Variants in SLC34A1 observed in about 807,000 individuals in gnomAD.
SLC34A1 encodes the protein solute carrier family 34 member 1.
A neutral mutation model predicts 51.4 loss-of-function variants in SLC34A1; 57 were observed. The observed-to-expected ratio is 1.11, with a 90% confidence interval of 0.90 to 1.38. SLC34A1 has a LOEUF of 1.38. Among genes scored for constraint, SLC34A1 ranks in the 40% most tolerant of loss-of-function variants. The pLI is 0.00. For synonymous variants in SLC34A1, 368 were observed against 358.0 expected (o/e 1.03, Z -0.32); for missense variants, 796 against 835.6 (o/e 0.95, Z 0.58).
chr5:177,394,688 CTT>C (rs34736156), intron 10 of SLC34A1, among the ~76,000 whole-genome samples: 1,390 of 105,060 alleles, frequency 0.013, 8 homozygotes, highest in Middle Eastern at 0.038. Context: ...GAGACTTTGT[CTT>C]TTTTTTTTTT....
Position 177,396,608 on chromosome 5 carries a change from C to T in SLC34A1, c.1175-125C>T, listed in dbSNP as rs1310073437. On this transcript the variant is annotated intron_variant, in intron 10 of 12. Transcript: ENST00000324417. The surrounding 1 kb of genome is among the most constrained non-coding windows in gnomAD (Gnocchi z 4.0). ...CCCGCGGAGGTCCTCTCTCCCAGTG[C>T]CCCCGCGGAGATCCGCTCTCCCAGT... 4.0e-5 allele frequency: 27 copies of T among 671,202 alleles called. No homozygotes were observed. Among genetic ancestry groups the T allele is most frequent in the South Asian group, 3.3e-4 (21 of 63,094 alleles). The allele number at this position is 671,202 out of a possible 1,614,324, so 41.6% of individuals were successfully genotyped here. A position where few individuals can be genotyped will look rare whatever the true frequency, so the allele number is the denominator to read the frequency against.
At chr5:177,395,832 C>T (rs1006222648) in intron 10 of SLC34A1, among the ~76,000 whole-genome samples, 2 of 152,168 alleles carry the variant, frequency 1.3e-5, no homozygotes, top group Non-Finnish European at 2.9e-5. Flanking sequence ...CAGGGTTTTG[C>T]CATGTTGGCT....
chr5:177,386,641 C>T lies in SLC34A1; in HGVS notation c.532+75C>T, dbSNP rs537898378. On this transcript the variant is annotated intron_variant, in intron 5 of 12. Coordinates refer to ENST00000324417, the MANE Select transcript of SLC34A1 (RefSeq NM_003052.5). This position sits in a 1 kb window ranked among gnomAD's most constrained non-coding sequence, Gnocchi z 4.8. ...GCTGGGAAGGGTGGCAAATGGGGAG[C>T]GTGACCCCAGTAAGGCTGGCCTCCA... 5.9e-5 allele frequency: 92 copies of T among 1,553,206 alleles called. No individual in the cohort carries two copies. Among genetic ancestry groups the T allele is most frequent in the Middle Eastern group, 3.7e-4 (2 of 5,432 alleles).
rs568449518 is a variant in SLC34A1, at chr5:177,387,273, C to T, written c.533-489C>T. On this transcript the variant is annotated intron_variant, in intron 5 of 12. Transcript: ENST00000324417. The stretch of plus-strand genomic sequence containing the variant: ...AGCCAGGCGTGGTGGCAGGTGTCTG[C>T]AGTCCCAGCTACTCAGGAGGCTGAG... Among the ~76,000 whole-genome samples the T allele has an allele frequency of 6.9e-4, 105 of 151,944 alleles. 1 individual carries two copies. The highest frequency in any genetic ancestry group is 2.4e-3 in the African/African-American group (99 of 41,448).
intron 2 of SLC34A1, 30 bp downstream of exon 2, chr5:177,385,880 G>A: frequency 6.2e-7 from 1 of 1,609,070 alleles, no homozygotes; most frequent in Non-Finnish European, 8.5e-7. Flanking sequence ...CCTGGACCCT[G>A]GTTGCCCACG....
At chr5:177,385,200 T>C (rs1762518398) in intron 1 of SLC34A1, among the ~76,000 whole-genome samples, 1 of 152,108 alleles carries the variant, frequency 6.6e-6, no homozygotes, top group South Asian at 2.1e-4. Flanking sequence ...GCTCTCCAGG[T>C]GGGCAAAACT....
rs752639143 is a variant in SLC34A1, at chr5:177,394,058, C to A, written c.1037C>A (p.Pro346Gln). 5.6e-6 allele frequency: 9 copies of A among 1,614,056 alleles called. No individual in the cohort carries two copies. In the East Asian group the frequency reaches 2.0e-4, roughly 36 times the overall value. The change falls in exon 10 of 13, where the codon CCG (proline) becomes CAG (glutamine). Residue 346 changes from proline to glutamine, a missense_variant. Coordinates refer to ENST00000324417, the MANE Select transcript of SLC34A1 (RefSeq NM_003052.5). Reference sequence around the variant, plus strand: ...CACATCTTTGTGGACACTGGCCTACCGGACCTGGCTGTGGGGCTCATCCTG... The same window carrying A: ...CACATCTTTGTGGACACTGGCCTACAGGACCTGGCTGTGGGGCTCATCCTG... ...CNHIFVDTGL[P>Q]DLAVGLILLA...
intron 5 of SLC34A1, among the ~76,000 whole-genome samples, 169 bp from the exon 6 acceptor site, chr5:177,387,593 G>A (rs930684227): frequency 6.6e-6 from 1 of 152,204 alleles, no homozygotes; most frequent in Non-Finnish European, 1.5e-5. Context: ...ACCTGTAAAC[G>A]CACAGCCCGT....
At chr5:177,390,070 G>C (rs551030714) in intron 8 of SLC34A1, 1 of 1,149,184 alleles carries the variant, frequency 8.7e-7, no homozygotes, top group African/African-American at 1.6e-5. Flanking sequence ...TGTGAAGTGC[G>C]TCCTGGCTCT....
At chr5:177,387,722 G>A (rs765680697) in intron 5 of SLC34A1, 40 bp from the exon 6 acceptor site, 1 of 1,543,092 alleles carries the variant, frequency 6.5e-7, no homozygotes, top group Non-Finnish European at 9.0e-7. Context: ...CAGGAGCTGG[G>A]TGACCGTCAA....
At position 177,398,308 on chromosome 5, in the gene SLC34A1, C is replaced by T; in HGVS notation, c.*22C>T. On this transcript the variant is annotated 3_prime_UTR_variant, in exon 13 of 13. Coordinates refer to ENST00000324417, the MANE Select transcript of SLC34A1 (RefSeq NM_003052.5). The surrounding 1 kb of genome is among the most constrained non-coding windows in gnomAD (Gnocchi z 4.7). The stretch of plus-strand genomic sequence containing the variant: ...CTAGGCTGTGGGCCCAGACTACAGC[C>T]TGGAATGGGGAAGGCCTGGGGTGGA... 1 of 1,599,106 alleles carries T rather than the reference C, an allele frequency of 6.3e-7. No individual in the cohort carries two copies. The highest frequency in any genetic ancestry group is 8.5e-7 in the Non-Finnish European group (1 of 1,179,902).
chr5:177,398,443 C>A lies in SLC34A1; in HGVS notation c.*157C>A. 1 of 866,448 alleles carries A rather than the reference C, an allele frequency of 1.2e-6. No homozygotes were observed. The highest frequency in any genetic ancestry group is 1.9e-6 in the Non-Finnish European group (1 of 521,464). The allele number at this position is 866,448 out of a possible 1,614,324, so 53.7% of individuals were successfully genotyped here. ...AAGCTCTGGGCTTGTGTGAGAGTGT[C>A]GGTGTGTGTGCATGTGTGGGGGTGA... is the stretch of plus-strand genomic sequence containing the variant. On this transcript the variant is annotated 3_prime_UTR_variant, in exon 13 of 13. Coordinates refer to ENST00000324417, the MANE Select transcript of SLC34A1 (RefSeq NM_003052.5). The surrounding 1 kb of genome is among the most constrained non-coding windows in gnomAD (Gnocchi z 4.7).
In SLC34A1 at chr5:177,388,349, T is replaced by C. The variant is rs756376335; in HGVS notation, c.913T>C (p.Trp305Arg). The C allele has an allele frequency of 1.2e-6, 2 of 1,614,060 alleles. No individual in the cohort carries two copies. Among genetic ancestry groups the C allele is most frequent in the African/African-American group, 2.7e-5 (2 of 74,938 alleles). ...SLRNHSLIQI[W>R]CHPDSLQAPT... is the part of the protein sequence containing the mutation. ...GAGGAACCACAGTCTCATCCAGATC[T>C]GGTGCCACCCAGACTCCTTACAGGT... is the stretch of plus-strand genomic sequence containing the variant. The change falls in exon 8 of 13, where the codon TGG becomes CGG. Residue 305 changes from tryptophan to arginine, a missense_variant. Transcript: ENST00000324417. The surrounding 1 kb of genome is among the most constrained non-coding windows in gnomAD (Gnocchi z 4.3).
At position 177,397,994 on chromosome 5, in the gene SLC34A1, G is replaced by T; in HGVS notation, c.1628G>T (p.Gly543Val). Reference protein sequence around the residue: ...ISMAGWQVMVGVGTPFGALLA... With the variant: ...ISMAGWQVMVVVGTPFGALLA... Reference sequence around the variant, plus strand: ...ATGGCAGGCTGGCAGGTCATGGTAGGTGTGGGCACGCCCTTCGGGGCCCTG... The same window carrying T: ...ATGGCAGGCTGGCAGGTCATGGTAGTTGTGGGCACGCCCTTCGGGGCCCTG... The change falls in exon 13 of 13, where the codon GGT (glycine) becomes GTT (valine). Residue 543 changes from glycine to valine, a missense_variant. Gly to Val is a moderately radical substitution (Grantham distance 109). Transcript: ENST00000324417. 3 of 1,614,036 alleles carry T rather than the reference G, an allele frequency of 1.9e-6. No homozygotes were observed. The highest frequency in any genetic ancestry group is 2.5e-6 in the Non-Finnish European group (3 of 1,180,020).
chr5:177,394,124 T>C lies in SLC34A1; in HGVS notation c.1103T>C (p.Leu368Pro), dbSNP rs1465757710. 11 of 1,613,966 alleles carry C rather than the reference T, an allele frequency of 6.8e-6. No homozygotes were observed. The highest frequency in any genetic ancestry group is 9.3e-6 in the Non-Finnish European group (11 of 1,180,038). The change falls in exon 10 of 13, where the codon CTC (leucine) becomes CCC (proline). Residue 368 changes from leucine to proline, a missense_variant. Physicochemically the swap from Leu to Pro is moderately conservative, Grantham distance 98. Transcript: ENST00000324417. ...SLVLLCTCLI[L>P]LVKMLNSLLK... is the part of the protein sequence containing the mutation. Reference sequence around the variant, plus strand: ...GTGCTGCTGTGCACCTGCCTCATCCTCCTAGTCAAGATGCTCAACTCCCTG... The same window carrying C: ...GTGCTGCTGTGCACCTGCCTCATCCCCCTAGTCAAGATGCTCAACTCCCTG...
intron 12 of SLC34A1, chr5:177,397,479 T>C (rs1016593228): frequency 3.7e-6 from 2 of 533,422 alleles, no homozygotes; most frequent in Non-Finnish European, 6.8e-6. Context: ...GAAACTGACA[T>C]CAATCCTTTA....
Position 177,394,876 on chromosome 5 carries a change from G to A in SLC34A1, c.1174+681G>A, listed in dbSNP as rs534986285. 1.3e-3 allele frequency among the ~76,000 whole-genome samples: 190 copies of A among 151,978 alleles called. No individual in the cohort carries two copies. In the Middle Eastern group the frequency reaches 0.027, roughly 22 times the overall value. ...ACCCGGCTAATTTTTTGTATTTTTA[G>A]TCGAGACAGGGTTTCACCATGTTGG... On this transcript the variant is annotated intron_variant, in intron 10 of 12. Coordinates refer to ENST00000324417, the MANE Select transcript of SLC34A1 (RefSeq NM_003052.5).
intron 8 of SLC34A1, among the ~76,000 whole-genome samples, chr5:177,393,094 C>T (rs969448600): frequency 1.3e-5 from 2 of 152,230 alleles, no homozygotes; most frequent in African/African-American, 4.8e-5. Flanking sequence ...ACAGCCCGAG[C>T]TGCTCACTTA....
At position 177,386,145 on chromosome 5, in the gene SLC34A1, G is replaced by C. The variant is rs776149189; in HGVS notation, c.259+9G>C. The C allele has an allele frequency of 1.2e-6, 2 of 1,613,824 alleles. No homozygotes were observed. The highest frequency in any genetic ancestry group is 1.1e-5 in the South Asian group (1 of 91,066). ...GGAGGAGCAGAAGCCAGGTGGGCCT[G>C]GGCTGGGGGTGGCAGAGGCGGCAGC... is the stretch of plus-strand genomic sequence containing the variant. On this transcript the variant is annotated intron_variant, in intron 3 of 12. Coordinates refer to ENST00000324417, the MANE Select transcript of SLC34A1 (RefSeq NM_003052.5). This position sits in a 1 kb window ranked among gnomAD's most constrained non-coding sequence, Gnocchi z 4.8.
Sources: allele counts gnomAD v4.1 joint callset (sites outside exome capture counted in the v4.1 genomes callset), GRCh38; gene constraint gnomAD v4.1.1; non-coding constraint Gnocchi (gnomAD v3.1); transcripts MANE v1.5; gene names NCBI Gene and HGNC (gene_info 2026-07-23, HGNC 2026-07-21).